Variants in EBF2 observed in about 807,000 individuals in gnomAD.
The protein encoded by EBF2 is transcription factor COE2.
EBF2 carries 21 observed loss-of-function variants against 72.8 expected under a neutral mutation model. The ratio of observed to expected loss-of-function variants is 0.29; its 90% CI spans 0.20 to 0.42. The LOEUF is 0.42. Ranked by LOEUF, EBF2 falls within the 10% of genes least tolerant of loss-of-function variation. The pLI is 1.00. For synonymous variants in EBF2, 299 were observed against 274.2 expected (o/e 1.09, Z -0.89); for missense variants, 637 against 731.2 (o/e 0.87, Z 1.49).
chr8:25,941,691 A>G lies in EBF2; in HGVS notation c.552-33136T>C, dbSNP rs140804592. ...AGTGTGAAAGACACGCAGACTGACC[A>G]GAAGGGTTCCTCAGCAGTCCTGGAC... On this transcript the variant is annotated intron_variant, in intron 6 of 15. Coordinates refer to ENST00000520164, the MANE Select transcript of EBF2 (RefSeq NM_022659.4). 3.7e-3 allele frequency among the ~76,000 whole-genome samples: 558 copies of G among 152,298 alleles called. 5 individuals are homozygous for G. The highest frequency in any genetic ancestry group is 0.013 in the African/African-American group (523 of 41,562).
chr8:25,943,311 C>CAAAAAAAAAA (rs71551840), intron 6 of EBF2, among the ~76,000 whole-genome samples: 4 of 59,150 alleles, frequency 6.8e-5, no homozygotes, highest in African/African-American at 9.0e-5. Context: ...TGTCTCTACA[C>CAAAAAAAAAA]AAAAAAAAAA....
intron 6 of EBF2, among the ~76,000 whole-genome samples, chr8:25,942,157 C>A (rs897025912): frequency 6.6e-6 from 1 of 152,206 alleles, no homozygotes; most frequent in Non-Finnish European, 1.5e-5. Flanking sequence ...GAAGCACAAG[C>A]CCCATCTGGG....
At chr8:25,984,765 A>G (rs947459440) in intron 6 of EBF2, among the ~76,000 whole-genome samples, 7 of 152,052 alleles carry the variant, frequency 4.6e-5, no homozygotes, top group Non-Finnish European at 1.5e-5. Context: ...ATTCTTTGAT[A>G]TCTACATTTT....
intron 6 of EBF2, among the ~76,000 whole-genome samples, chr8:25,936,823 C>T (rs1803587207): frequency 6.6e-6 from 1 of 152,182 alleles, no homozygotes; most frequent in South Asian, 2.1e-4. Flanking sequence ...TGTCTACACT[C>T]TGGAGGCTTA....
At chr8:26,005,067 A>G (rs1050667577) in intron 6 of EBF2, among the ~76,000 whole-genome samples, 2 of 149,564 alleles carry the variant, frequency 1.3e-5, no homozygotes, top group Non-Finnish European at 2.9e-5. Flanking sequence ...CTTGCCCAGA[A>G]ACACAAGTAC....
chr8:25,872,328 G>C (rs1195975857), intron 10 of EBF2, among the ~76,000 whole-genome samples: 1 of 152,166 alleles, frequency 6.6e-6, no homozygotes, highest in Non-Finnish European at 1.5e-5. Context: ...CAAGATCTGA[G>C]TTCTCAATTG....
chr8:26,022,715 G>A (rs7815483), intron 6 of EBF2, among the ~76,000 whole-genome samples: 20,740 of 152,068 alleles, frequency 0.14, 1,975 homozygotes, highest in East Asian at 0.41. Context: ...TGGTGGTCTC[G>A]AGGGGACCAG....
intron 6 of EBF2, among the ~76,000 whole-genome samples, chr8:25,995,111 G>C (rs1804602794): frequency 6.6e-6 from 1 of 152,064 alleles, no homozygotes; most frequent in Non-Finnish European, 1.5e-5. Context: ...TTCGAGACCA[G>C]CCTGACCAAC....
At chr8:25,934,563 A>C (rs913211525) in intron 6 of EBF2, among the ~76,000 whole-genome samples, 1 of 152,296 alleles carries the variant, frequency 6.6e-6, no homozygotes, top group East Asian at 1.9e-4. Flanking sequence ...GACTCTGTCC[A>C]TGTCGTATCA....
At chr8:25,945,942 G>A (rs897578594) in intron 6 of EBF2, among the ~76,000 whole-genome samples, 1 of 152,232 alleles carries the variant, frequency 6.6e-6, no homozygotes, top group East Asian at 1.9e-4. Context: ...TTCAGAATGA[G>A]CAAGGAGTTG....
intron 5 of EBF2, among the ~76,000 whole-genome samples, chr8:26,039,377 C>T (rs1265737346): frequency 2.0e-5 from 3 of 152,154 alleles, no homozygotes; most frequent in Non-Finnish European, 2.9e-5. Context: ...CCAGCTGTTG[C>T]TCCACACTCC....
chr8:25,848,098 A>C (rs1801876760), intron 15 of EBF2, among the ~76,000 whole-genome samples: 1 of 152,190 alleles, frequency 6.6e-6, no homozygotes, highest in South Asian at 2.1e-4. Context: ...GGCTAGGCTC[A>C]AGTGATCCTC....
chr8:25,864,078 G>A (rs1017683231), intron 10 of EBF2, among the ~76,000 whole-genome samples: 14 of 151,824 alleles, frequency 9.2e-5, no homozygotes, highest in African/African-American at 1.7e-4. Context: ...TATAAATATC[G>A]AGCAATAATT....
chr8:25,848,430 G>A (rs1302002321), intron 15 of EBF2, among the ~76,000 whole-genome samples: 6 of 152,130 alleles, frequency 3.9e-5, no homozygotes, highest in African/African-American at 1.4e-4. Context: ...CCCTCACAGG[G>A]AACCTTACTA....
chr8:25,990,773 G>A (rs1804529556), intron 6 of EBF2, among the ~76,000 whole-genome samples: 1 of 152,194 alleles, frequency 6.6e-6, no homozygotes. Context: ...TGTTGTTTGA[G>A]CCAACTCAGT....
chr8:25,876,983 C>T (rs1802532306), intron 10 of EBF2, among the ~76,000 whole-genome samples: 1 of 152,150 alleles, frequency 6.6e-6, no homozygotes, highest in Admixed American at 6.5e-5. Context: ...TTATAAAAGA[C>T]TTCTTAACCA....
At position 25,842,926 on chromosome 8, in the gene EBF2, GTC is replaced by G. The variant is rs1232630158; in HGVS notation, c.*1681_*1682del. On this transcript the variant is annotated 3_prime_UTR_variant, in exon 16 of 16. Coordinates refer to ENST00000520164, the MANE Select transcript of EBF2 (RefSeq NM_022659.4). ...ATCCCAACCAAGAACCCCAAACTAAGTCTGTGTATAGACTCTATTGTGGTGCT... is the reference window on the plus strand; with the variant it reads ...ATCCCAACCAAGAACCCCAAACTAAGTGTGTATAGACTCTATTGTGGTGCT... 6.6e-6 allele frequency: 1 copy of G among 152,142 alleles called. No individual in the cohort carries two copies. Among genetic ancestry groups the G allele is most frequent in the Non-Finnish European group, 1.5e-5 (1 of 68,028 alleles). 9.4% of individuals were successfully genotyped at this position (152,142 alleles called of 1,614,324 possible).
chr8:26,024,572 G>A (rs1563211994), intron 6 of EBF2, among the ~76,000 whole-genome samples: 1 of 152,216 alleles, frequency 6.6e-6, no homozygotes, highest in Non-Finnish European at 1.5e-5. Context: ...ACATAAGATC[G>A]CTAAGAGGTT....
intron 6 of EBF2, among the ~76,000 whole-genome samples, chr8:26,001,736 A>G: frequency 6.6e-6 from 1 of 152,040 alleles, no homozygotes; most frequent in South Asian, 2.1e-4. Context: ...TTTAGTAGAG[A>G]CAGGGTTTCA....
Sources: allele counts gnomAD v4.1 joint callset (sites outside exome capture counted in the v4.1 genomes callset), GRCh38; gene constraint gnomAD v4.1.1; transcripts MANE v1.5; gene names NCBI Gene and HGNC (gene_info 2026-07-23, HGNC 2026-07-21).